The following CNTN5 variants were observed in gnomAD, a reference collection of about 807,000 sequenced individuals.
The protein encoded by CNTN5 is contactin 5, also known as contactin-5.
In CNTN5, 77 loss-of-function variants were observed where a neutral mutation model predicts 129.1. The observed-to-expected ratio is 0.60, with a 90% CI of 0.50 to 0.72. The LOEUF (loss-of-function observed/expected upper bound fraction) is 0.72. CNTN5 is among the 30% of genes least tolerant of loss of function. The pLI is 0.00. For synonymous variants in CNTN5, 509 were observed against 465.6 expected, an observed-to-expected ratio of 1.09 and a Z score of -1.20; for missense variants, 1,478 against 1,328.8, an observed-to-expected ratio of 1.11 and a Z score of -1.75.
At chr11:99,929,226 C>T (rs1052058435) in intron 7 of CNTN5, among the ~76,000 whole-genome samples, 1 of 152,190 alleles carries the variant, frequency 6.6e-6, no homozygotes, top group Non-Finnish European at 1.5e-5. Context: ...CAACAAGTAT[C>T]TAGGAGGTTC....
intron 2 of CNTN5, among the ~76,000 whole-genome samples, chr11:99,390,167 G>A (rs1426611920): frequency 2.7e-5 from 4 of 150,870 alleles, no homozygotes; most frequent in African/African-American, 4.9e-5. Context: ...GCCCAGGTTC[G>A]AGAACAGTGG....
At chr11:99,692,623 C>A (rs186873290) in intron 3 of CNTN5, among the ~76,000 whole-genome samples, 1 of 152,034 alleles carries the variant, frequency 6.6e-6, no homozygotes, top group African/African-American at 2.4e-5. Context: ...TTGGGCTTCC[C>A]TTTTTTCATG....
chr11:99,519,349 A>G (rs1051483382), intron 2 of CNTN5, among the ~76,000 whole-genome samples: 2 of 152,008 alleles, frequency 1.3e-5, no homozygotes, highest in Admixed American at 6.6e-5. Context: ...TCATGCTGCT[A>G]TCCTTACAGT....
chr11:99,492,552 T>C (rs1778894521), intron 2 of CNTN5, among the ~76,000 whole-genome samples: 1 of 152,134 alleles, frequency 6.6e-6, no homozygotes, highest in South Asian at 2.1e-4. Context: ...TAGTTGAGAA[T>C]CTAGTTTATT....
At position 99,799,620 on chromosome 11, in the gene CNTN5, T is replaced by C. The variant is rs1338674232; in HGVS notation, c.56-19924T>C. ...TACTTGATCATGAAGAATTAACTTT[T>C]TGATAAGCTGTAGGATTTGGTTTGC... On this transcript the variant is annotated intron_variant, in intron 3 of 24. Coordinates refer to ENST00000524871, the MANE Select transcript of CNTN5 (RefSeq NM_014361.4). Among the ~76,000 whole-genome samples, 8 of 152,234 alleles carry C rather than the reference T, an allele frequency of 5.3e-5. No individual in the cohort carries two copies. The East Asian group carries it at 1.5e-3, about 29-fold the overall frequency.
intron 1 of CNTN5, among the ~76,000 whole-genome samples, chr11:99,309,642 A>C (rs1239639728): frequency 1.3e-5 from 2 of 152,188 alleles, no homozygotes; most frequent in Non-Finnish European, 2.9e-5. Context: ...ACTTCCACTT[A>C]TCAATACCAC....
rs531673398 is a variant in CNTN5, at chr11:99,723,816, G to A, written c.56-95728G>A. ...CGCGTGTGTGTTTTGTTTAAATAATGTTATGGGATAGATCTTATAATCTTC... is the reference window on the plus strand; with the variant it reads ...CGCGTGTGTGTTTTGTTTAAATAATATTATGGGATAGATCTTATAATCTTC... On this transcript the variant is annotated intron_variant, in intron 3 of 24. Transcript: ENST00000524871. 1.7e-3 allele frequency among the ~76,000 whole-genome samples: 256 copies of A among 152,142 alleles called. 2 individuals carry two copies. Among genetic ancestry groups the A allele is most frequent in the African/African-American group, 5.7e-3 (237 of 41,546 alleles).
chr11:99,830,912 A>T, intron 4 of CNTN5, among the ~76,000 whole-genome samples: 1 of 152,174 alleles, frequency 6.6e-6, no homozygotes, highest in East Asian at 1.9e-4. Flanking sequence ...GCAGGAACCT[A>T]TTTGAGGACT....
At chr11:99,785,250 A>AT (rs1003325411) in intron 3 of CNTN5, among the ~76,000 whole-genome samples, 4 of 151,276 alleles carry the variant, frequency 2.6e-5, no homozygotes, top group African/African-American at 7.3e-5. Flanking sequence ...TTTTGATGGG[A>AT]TTTTTTTTCT....
intron 2 of CNTN5, among the ~76,000 whole-genome samples, chr11:99,408,460 A>AAGAAAG (rs1565557992): frequency 3.8e-5 from 5 of 131,884 alleles, no homozygotes; most frequent in South Asian, 5.2e-4. Flanking sequence ...GAAAGAAAGA[A>AAGAAAG]AGAAAGAAAG....
chr11:99,755,621 T>C (rs1944381093), intron 3 of CNTN5, among the ~76,000 whole-genome samples: 1 of 152,128 alleles, frequency 6.6e-6, no homozygotes, highest in Admixed American at 6.5e-5. Context: ...ACAGTTCCTT[T>C]GTAAGATATG....
chr11:100,169,732 C>T (rs371086676), intron 13 of CNTN5, among the ~76,000 whole-genome samples: 35 of 152,006 alleles, frequency 2.3e-4, no homozygotes, highest in South Asian at 1.0e-3. Context: ...CAACTAAATC[C>T]GCAATAGTTC....
At position 99,607,295 on chromosome 11, in the gene CNTN5, A is replaced by G. The variant is rs1950452189; in HGVS notation, c.55+51026A>G. On this transcript the variant is annotated intron_variant, in intron 3 of 24. Coordinates refer to ENST00000524871, the MANE Select transcript of CNTN5 (RefSeq NM_014361.4). ...CATCAAAAAGTGGGCGAAGGACATGAACAGACACTTCTCAAAAGAAGACAT... is the reference window on the plus strand; with the variant it reads ...CATCAAAAAGTGGGCGAAGGACATGGACAGACACTTCTCAAAAGAAGACAT... 2.6e-5 allele frequency among the ~76,000 whole-genome samples: 3 copies of G among 116,688 alleles called. No individual in the cohort carries two copies. In the South Asian group the frequency reaches 9.3e-4, roughly 36 times the overall value. 76.6% of individuals were successfully genotyped at this position (116,688 alleles called of 152,430 possible).
chr11:99,095,185 A>G (rs1866418290), intron 1 of CNTN5, among the ~76,000 whole-genome samples: 2 of 151,938 alleles, frequency 1.3e-5, no homozygotes, highest in African/African-American at 4.8e-5. Context: ...AAATATTATC[A>G]GATATGATTG....
At chr11:100,186,496 C>G (rs1948304520) in intron 13 of CNTN5, among the ~76,000 whole-genome samples, 1 of 152,098 alleles carries the variant, frequency 6.6e-6, no homozygotes, top group South Asian at 2.1e-4. Flanking sequence ...ACAGTGATGT[C>G]CTACATGAAC....
intron 7 of CNTN5, among the ~76,000 whole-genome samples, chr11:99,924,993 T>C (rs571255574): frequency 6.6e-6 from 1 of 152,288 alleles, no homozygotes; most frequent in East Asian, 1.9e-4. Context: ...ATACATGAAG[T>C]CTTATATATC....
Position 100,222,656 on chromosome 11 carries a change from T to TA in CNTN5, c.1885-2026dup, listed in dbSNP as rs951541567. 2.3e-3 allele frequency among the ~76,000 whole-genome samples: 336 copies of TA among 143,726 alleles called. 1 individual carries two copies. The highest frequency in any genetic ancestry group is 0.014 in the Middle Eastern group (4 of 284). The allele number at this position is 143,726 out of a possible 152,430, so 94.3% of individuals were successfully genotyped here. Reference sequence around the variant, plus strand: ...TGATATTAAAAAACAAGCAAGCAAATAAAAAAAAAAGCCACAAAACAACAT... The same window carrying TA: ...TGATATTAAAAAACAAGCAAGCAAATAAAAAAAAAAAGCCACAAAACAACAT... On this transcript the variant is annotated intron_variant, in intron 15 of 24. Transcript: ENST00000524871.
chr11:99,661,645 G>A lies in CNTN5; in HGVS notation c.55+105376G>A, dbSNP rs569126212. Among the ~76,000 whole-genome samples, 24 of 151,876 alleles carry A rather than the reference G, an allele frequency of 1.6e-4. No individual in the cohort carries two copies. The South Asian group carries it at 4.6e-3, about 29-fold the overall frequency. ...CCGGGTATCCAGCAGTGTGAGAATG[G>A]ACTAATGCATATGCATTTGTTTGCG... On this transcript the variant is annotated intron_variant, in intron 3 of 24. Coordinates refer to ENST00000524871, the MANE Select transcript of CNTN5 (RefSeq NM_014361.4).
intron 18 of CNTN5, among the ~76,000 whole-genome samples, chr11:100,292,376 C>G (rs964038163): frequency 1.3e-5 from 2 of 152,028 alleles, no homozygotes; most frequent in African/African-American, 4.8e-5. Context: ...CAACCCTATT[C>G]AAACCTATCT....
Sources: gnomAD v4.1 joint callset for allele counts (sites outside exome capture counted in the v4.1 genomes callset) on GRCh38, gnomAD v4.1.1 for gene constraint, MANE v1.5 for transcripts, NCBI Gene and HGNC (gene_info 2026-07-23, HGNC 2026-07-21) for gene names.